RPH3A: variants seen among roughly 807,000 people sequenced by gnomAD.
The protein encoded by RPH3A is rabphilin-3A.
Under a neutral mutation model 102.2 loss-of-function variants are expected in RPH3A, and 48 were observed. The ratio of observed to expected loss-of-function variants is 0.47; its 90% confidence interval spans 0.37 to 0.60. The LOEUF is 0.60. Among genes scored for constraint, RPH3A ranks in the 20% least tolerant of loss-of-function variants. The probability of loss-of-function intolerance (pLI) is 0.00; values close to 1 mark genes in which losing one functional copy is unlikely to be tolerated. For synonymous variants in RPH3A, 310 were observed against 324.3 expected (o/e 0.96, Z 0.47); for missense variants, 781 against 910.1 (o/e 0.86, Z 1.83).
intron 18 of RPH3A, 89 bp downstream of exon 18, chr12:112,890,169 C>T: frequency 8.3e-7 from 1 of 1,198,272 alleles, no homozygotes; most frequent in Admixed American, 1.8e-5. Context: ...CTGGCCCCTT[C>T]CTCATCCATT....
At chr12:112,832,423 C>T (rs1300464818) in intron 3 of RPH3A, among the ~76,000 whole-genome samples, 2 of 152,172 alleles carry the variant, frequency 1.3e-5, no homozygotes, top group Non-Finnish European at 1.5e-5. Flanking sequence ...ACTTCACATT[C>T]TGTATCCAAT....
intron 1 of RPH3A, among the ~76,000 whole-genome samples, chr12:112,586,323 A>G (rs771155082): frequency 1.3e-5 from 2 of 152,120 alleles, no homozygotes; most frequent in Non-Finnish European, 2.9e-5. Context: ...CAAATTAGCT[A>G]ATGAGTAACT....
intron 1 of RPH3A, among the ~76,000 whole-genome samples, chr12:112,667,098 T>C (rs232924): frequency 0.32 from 49,202 of 152,046 alleles, 10,325 homozygotes; most frequent in East Asian, 0.64. Context: ...CCAAGTTCCT[T>C]AAAAGCAGAG....
chr12:112,842,295 C>T (rs1303072371), intron 4 of RPH3A, among the ~76,000 whole-genome samples: 1 of 152,210 alleles, frequency 6.6e-6, no homozygotes, highest in African/African-American at 2.4e-5. Context: ...AAAGAAAACA[C>T]AAGTTCAGCT....
chr12:112,842,548 ACT>A (rs2042163637), intron 4 of RPH3A, among the ~76,000 whole-genome samples: 1 of 152,200 alleles, frequency 6.6e-6, no homozygotes, highest in African/African-American at 2.4e-5. Context: ...CTCTTAGGTT[ACT>A]GTATCTTCAT....
At chr12:112,621,013 T>C (rs553092709) in intron 1 of RPH3A, among the ~76,000 whole-genome samples, 1 of 151,866 alleles carries the variant, frequency 6.6e-6, no homozygotes, top group East Asian at 1.9e-4. Context: ...CATTATTATT[T>C]TTTTTTTTTT....
chr12:112,845,959 G>C (rs553777843), intron 4 of RPH3A, among the ~76,000 whole-genome samples: 110 of 152,298 alleles, frequency 7.2e-4, no homozygotes, highest in Non-Finnish European at 1.3e-3. Context: ...GTTCCTGGCA[G>C]GGGGAACAGC....
At chr12:112,873,447 C>T (rs2042740476) in intron 10 of RPH3A, among the ~76,000 whole-genome samples, 1 of 152,220 alleles carries the variant, frequency 6.6e-6, no homozygotes, top group African/African-American at 2.4e-5. Context: ...AGTAAAACTC[C>T]CTTGTTCCAG....
rs1416580503 is a variant in RPH3A at position 112,896,642 on chromosome 12, T to G, written c.1955-8T>G. The G allele has an allele frequency of 6.2e-7, 1 of 1,613,916 alleles. No individual in the cohort carries two copies. The highest frequency in any genetic ancestry group is 8.5e-7 in the Non-Finnish European group (1 of 1,179,962). ...CCACCTGCTCCTATCTTCCCATTTA[T>G]CCTCCAGGAGGCTGCCAGCTGGGGA... On this transcript the variant is annotated splice_region_variant and splice_polypyrimidine_tract_variant and intron_variant, in intron 21 of 21. Coordinates refer to ENST00000389385, the MANE Select transcript of RPH3A (RefSeq NM_001143854.2).
rs1555204011 is a variant in RPH3A at position 112,713,051 on chromosome 12, C to CTTCTTCTTCTTCTTCTTCTTCTTCTTCTT, written c.-139-79092_-139-79091insTTCTTCTTCTTCTTCTTCTTCTTCTTCTT. 2.3e-5 allele frequency among the ~76,000 whole-genome samples: 2 copies of CTTCTTCTTCTTCTTCTTCTTCTTCTTCTT among 85,858 alleles called. 1 individual carries two copies. The highest frequency in any genetic ancestry group is 6.7e-4 in the East Asian group (2 of 2,988). 56.3% of individuals were successfully genotyped at this position (85,858 alleles called of 152,430 possible). ...TTCTTCTTCTTCTTCTTCTTCTTCT[C>CTTCTTCTTCTTCTTCTTCTTCTTCTTCTT]CTTCTTCTTCTTCTTCTTCTTCTTC... On this transcript the variant is annotated intron_variant, in intron 1 of 21. Coordinates refer to the RPH3A transcript ENST00000543106.
At chr12:112,682,351 C>CTTTTTTTTTT (rs1314037530) in intron 1 of RPH3A, among the ~76,000 whole-genome samples, 23 of 77,596 alleles carry the variant, frequency 3.0e-4, no homozygotes, top group East Asian at 1.0e-3. Context: ...TTTTTTCTTT[C>CTTTTTTTTTT]TTTCTTTTTT....
intron 1 of RPH3A, among the ~76,000 whole-genome samples, chr12:112,653,460 G>A (rs2039990612): frequency 6.6e-6 from 1 of 152,040 alleles, no homozygotes; most frequent in Admixed American, 6.6e-5. Context: ...GGGTGCTGTG[G>A]GTGAGGGGTG....
intron 1 of RPH3A, among the ~76,000 whole-genome samples, chr12:112,584,702 A>G (rs1275522495): frequency 6.6e-6 from 1 of 152,110 alleles, no homozygotes; most frequent in African/African-American, 2.4e-5. Context: ...TAAATTACTT[A>G]CTTCCACTTT....
intron 1 of RPH3A, among the ~76,000 whole-genome samples, chr12:112,631,815 C>T (rs1292421038): frequency 6.6e-6 from 1 of 152,152 alleles, no homozygotes; most frequent in Non-Finnish European, 1.5e-5. Flanking sequence ...TGAGCCACTA[C>T]CCCTGGCCTG....
chr12:112,579,873 G>A (rs1166230242), intron 1 of RPH3A, among the ~76,000 whole-genome samples: 3 of 152,156 alleles, frequency 2.0e-5, no homozygotes, highest in Non-Finnish European at 2.9e-5. Context: ...GGGACCACAG[G>A]TGTGCACCAC....
At chr12:112,702,154 G>T (rs1296561722) in intron 1 of RPH3A, among the ~76,000 whole-genome samples, 1 of 152,156 alleles carries the variant, frequency 6.6e-6, no homozygotes, top group African/African-American at 2.4e-5. Context: ...GTGTTATTTT[G>T]TATTTGTTTC....
chr12:112,725,020 G>C (rs546603500), intron 1 of RPH3A, among the ~76,000 whole-genome samples: 22 of 151,578 alleles, frequency 1.5e-4, no homozygotes, highest in Admixed American at 8.5e-4. Flanking sequence ...AGGCCAATGT[G>C]GGAAGATCAC....
At chr12:112,697,779 C>A (rs1379190838) in intron 1 of RPH3A, among the ~76,000 whole-genome samples, 2 of 152,020 alleles carry the variant, frequency 1.3e-5, no homozygotes, top group South Asian at 4.1e-4. Context: ...GCATAAGAAT[C>A]GCTTGAATCC....
chr12:112,779,562 T>C (rs1258651152), intron 1 of RPH3A, among the ~76,000 whole-genome samples: 1 of 152,192 alleles, frequency 6.6e-6, no homozygotes, highest in East Asian at 1.9e-4. Flanking sequence ...CAGCTTAGTT[T>C]AATAATATGA....
Sources: allele counts gnomAD v4.1 joint callset (sites outside exome capture counted in the v4.1 genomes callset), GRCh38; gene constraint gnomAD v4.1.1; transcripts MANE v1.5; gene names NCBI Gene and HGNC (gene_info 2026-07-23, HGNC 2026-07-21).